EPHB1: variants seen among roughly 807,000 people sequenced by gnomAD.
EPHB1 encodes ephrin type-B receptor 1.
A neutral mutation model predicts 94.4 loss-of-function variants in EPHB1; 30 were observed. That is an observed-to-expected ratio of 0.32 (90% confidence interval 0.24 to 0.43). The LOEUF is 0.43. EPHB1 is among the 20% of genes least tolerant of loss of function. EPHB1 has a pLI of 1.00. For synonymous variants in EPHB1, 522 were observed against 489.1 expected (o/e 1.07, Z -0.89); for missense variants, 1,055 against 1,308.3 (o/e 0.81, Z 2.99).
chr3:134,861,471 T>C (rs1039801397), intron 1 of EPHB1, among the ~76,000 whole-genome samples: 10 of 152,244 alleles, frequency 6.6e-5, no homozygotes, highest in African/African-American at 2.4e-4. Context: ...ACTTGAGACT[T>C]TCAGCAACCA....
intron 3 of EPHB1, among the ~76,000 whole-genome samples, chr3:135,000,153 C>A (rs181605333): frequency 2.2e-4 from 33 of 152,320 alleles, no homozygotes; most frequent in African/African-American, 7.2e-4. Context: ...TTAGCACTGC[C>A]AGCTGGATAA....
In EPHB1 at chr3:135,030,921, C is replaced by T. The variant is rs527644042; in HGVS notation, c.806-75527C>T. 1.2e-4 allele frequency among the ~76,000 whole-genome samples: 18 copies of T among 152,330 alleles called. No individual in the cohort carries two copies. In the East Asian group the frequency reaches 3.3e-3, roughly 28 times the overall value. On this transcript the variant is annotated intron_variant, in intron 3 of 15. Transcript: ENST00000398015. ...CGGAGCCAGGTGCGGCATGTAATCT[C>T]GTGGTGCGCCATTTTTTAAGCCCGT...
chr3:134,906,393 TCA>T (rs2038329140), intron 1 of EPHB1, among the ~76,000 whole-genome samples: 1 of 152,194 alleles, frequency 6.6e-6, no homozygotes, highest in African/African-American at 2.4e-5. Flanking sequence ...ATTCTAGAGG[TCA>T]CACAAACTTT....
chr3:135,256,268 T>C (rs1358066298), intron 15 of EPHB1, among the ~76,000 whole-genome samples: 2 of 152,222 alleles, frequency 1.3e-5, no homozygotes, highest in African/African-American at 4.8e-5. Context: ...ATTATGATGT[T>C]AGCTGGTTAT....
intron 1 of EPHB1, among the ~76,000 whole-genome samples, chr3:134,864,242 G>C (rs992067785): frequency 6.6e-6 from 1 of 152,130 alleles, no homozygotes; most frequent in Non-Finnish European, 1.5e-5. Flanking sequence ...CGTTTTATGG[G>C]TTCTGAAACA....
chr3:134,953,122 C>A (rs1933105399), intron 3 of EPHB1, among the ~76,000 whole-genome samples: 1 of 152,184 alleles, frequency 6.6e-6, no homozygotes, highest in Non-Finnish European at 1.5e-5. Context: ...CCATTGTGAG[C>A]CTCCTGCCAG....
At chr3:134,958,460 T>A (rs1933372078) in intron 3 of EPHB1, among the ~76,000 whole-genome samples, 1 of 145,760 alleles carries the variant, frequency 6.9e-6, no homozygotes, top group Non-Finnish European at 1.5e-5. Context: ...GAGGCCTCAG[T>A]GCTGGAAGCC....
At chr3:134,990,987 A>G (rs561208786) in intron 3 of EPHB1, among the ~76,000 whole-genome samples, 15 of 151,750 alleles carry the variant, frequency 9.9e-5, no homozygotes, top group African/African-American at 3.1e-4. Flanking sequence ...ACTTTCTTCT[A>G]TTTCTTGGGG....
chr3:135,088,605 A>G (rs1938443552), intron 3 of EPHB1, among the ~76,000 whole-genome samples: 1 of 152,182 alleles, frequency 6.6e-6, no homozygotes, highest in Admixed American at 6.5e-5. Context: ...ATAGTTGAAG[A>G]TGGCTGCTTG....
rs529602519 is a variant in EPHB1 at position 135,117,699 on chromosome 3, C to T, written c.961+11096C>T. On this transcript the variant is annotated intron_variant, in intron 4 of 15. Coordinates refer to ENST00000398015, the MANE Select transcript of EPHB1 (RefSeq NM_004441.5). ...AGACTAGTAGGTTGTGGCAATGGTA[C>T]TAATAGGAATGGTGTGCTGGCCCCT... Among the ~76,000 whole-genome samples the T allele has an allele frequency of 1.2e-3, 185 of 152,332 alleles. 1 individual carries two copies. Among genetic ancestry groups the T allele is most frequent in the South Asian group, 1.0e-3 (5 of 4,832 alleles).
At chr3:134,812,756 C>T (rs1044302827) in intron 1 of EPHB1, among the ~76,000 whole-genome samples, 1 of 152,240 alleles carries the variant, frequency 6.6e-6, no homozygotes, top group African/African-American at 2.4e-5. Flanking sequence ...GTTCCACATC[C>T]TCACCAGCAG....
chr3:134,958,914 C>T (rs1227900498), intron 3 of EPHB1, among the ~76,000 whole-genome samples: 5 of 152,172 alleles, frequency 3.3e-5, no homozygotes, highest in Admixed American at 2.6e-4. Context: ...CATAATGATC[C>T]TTTCTGCCTT....
intron 12 of EPHB1, among the ~76,000 whole-genome samples, chr3:135,223,478 T>C (rs1220211857): frequency 6.6e-6 from 1 of 152,258 alleles, no homozygotes; most frequent in Non-Finnish European, 1.5e-5. Flanking sequence ...GTGGTCAACA[T>C]TCCTGTCCCC....
Position 134,946,512 on chromosome 3 carries a change from C to G in EPHB1, c.124-4859C>G, listed in dbSNP as rs180949676. On this transcript the variant is annotated intron_variant, in intron 2 of 15. Coordinates refer to ENST00000398015, the MANE Select transcript of EPHB1 (RefSeq NM_004441.5). ...CTGCTCCCAGAAGGTGCATACTTCT[C>G]CTGGCTTACTTCTATCTACCTGTCC... Among the ~76,000 whole-genome samples, 92 of 152,274 alleles carry G rather than the reference C, an allele frequency of 6.0e-4. 2 individuals carry two copies. Among genetic ancestry groups the G allele is most frequent in the African/African-American group, 2.1e-3 (89 of 41,544 alleles).
chr3:135,167,611 C>G (rs1941686687), intron 9 of EPHB1, among the ~76,000 whole-genome samples: 1 of 152,240 alleles, frequency 6.6e-6, no homozygotes, highest in East Asian at 1.9e-4. Flanking sequence ...ACATAAAGTT[C>G]CCTGTCACAC....
chr3:135,226,733 T>G (rs2107722392), intron 12 of EPHB1, among the ~76,000 whole-genome samples: 1 of 152,346 alleles, frequency 6.6e-6, no homozygotes, highest in East Asian at 1.9e-4. Flanking sequence ...TGGAAGGTTG[T>G]TGGCCTATCT....
chr3:134,919,121 C>T (rs904428034), intron 1 of EPHB1, among the ~76,000 whole-genome samples: 5 of 152,084 alleles, frequency 3.3e-5, no homozygotes, highest in Admixed American at 6.5e-5. Flanking sequence ...GAAAAAGATG[C>T]TGTAAAGGAA....
At chr3:135,202,273 C>T (rs1032465331) in intron 12 of EPHB1, among the ~76,000 whole-genome samples, 10 of 152,124 alleles carry the variant, frequency 6.6e-5, no homozygotes, top group East Asian at 1.9e-4. Context: ...TTTAACAAGC[C>T]GAAAATAGAG....
chr3:135,254,684 G>A (rs557046569), intron 15 of EPHB1, among the ~76,000 whole-genome samples: 29 of 141,670 alleles, frequency 2.0e-4, no homozygotes, highest in Non-Finnish European at 3.6e-4. Context: ...TCTTTTTTTT[G>A]TGTGTGTCTC....
Sources: gnomAD v4.1 joint callset for allele counts (sites outside exome capture counted in the v4.1 genomes callset) on GRCh38, gnomAD v4.1.1 for gene constraint, MANE v1.5 for transcripts, NCBI Gene and HGNC (gene_info 2026-07-23, HGNC 2026-07-21) for gene names.